The following ILRUN variants were observed in gnomAD, a reference collection of about 807,000 sequenced individuals.
ILRUN encodes the protein protein ILRUN.
ILRUN carries 3 observed loss-of-function variants against 33.8 expected under a neutral mutation model. That is an observed-to-expected ratio of 0.09 (90% CI 0.04 to 0.23). The LOEUF (loss-of-function observed/expected upper bound fraction) is 0.23, where lower values mean the gene tolerates loss of function less well. ILRUN is among the 10% of genes least tolerant of loss of function. ILRUN has a pLI of 1.00. For synonymous variants in ILRUN, 124 were observed against 138.9 expected (o/e 0.89, Z 0.75); for missense variants, 210 against 375.1 (o/e 0.56, Z 3.64).
chr6:34,599,862 G>C (rs1561996295), intron 4 of ILRUN, among the ~76,000 whole-genome samples: 1 of 152,150 alleles, frequency 6.6e-6, no homozygotes, highest in Non-Finnish European at 1.5e-5. Context: ...ATTGATGGTA[G>C]CTCCATCCCT....
intron 3 of ILRUN, among the ~76,000 whole-genome samples, chr6:34,637,855 C>CTGA (rs1419760918): frequency 7.7e-6 from 1 of 130,376 alleles, no homozygotes; most frequent in Non-Finnish European, 1.6e-5. Context: ...GCTGCTGCTG[C>CTGA]TGCTGCTGCT....
At chr6:34,692,071 C>T (rs1480469324) in intron 1 of ILRUN, among the ~76,000 whole-genome samples, 2 of 152,194 alleles carry the variant, frequency 1.3e-5, no homozygotes, top group African/African-American at 4.8e-5. Context: ...TCAATTGATC[C>T]TTCCACCTCA....
At chr6:34,689,242 G>T (rs925086194) in intron 1 of ILRUN, among the ~76,000 whole-genome samples, 15 of 151,934 alleles carry the variant, frequency 9.9e-5, no homozygotes, top group African/African-American at 3.4e-4. Flanking sequence ...GCTGAGGTGG[G>T]AGAATCACTT....
chr6:34,604,078 G>T (rs1352123639), intron 4 of ILRUN, among the ~76,000 whole-genome samples: 1 of 152,216 alleles, frequency 6.6e-6, no homozygotes, highest in African/African-American at 2.4e-5. Context: ...ACGCATTATA[G>T]TCAACAGTCT....
chr6:34,657,253 A>G (rs1223886080), intron 1 of ILRUN, among the ~76,000 whole-genome samples: 1 of 152,134 alleles, frequency 6.6e-6, no homozygotes, highest in Admixed American at 6.6e-5. Context: ...TGGCTGCAAA[A>G]TATGTTTTGG....
intron 1 of ILRUN, among the ~76,000 whole-genome samples, chr6:34,657,040 C>T (rs1398386411): frequency 1.3e-5 from 2 of 152,260 alleles, no homozygotes; most frequent in African/African-American, 4.8e-5. Context: ...CCAGCCCCTA[C>T]CATCCACAAA....
At chr6:34,608,866 C>T (rs554016449) in intron 3 of ILRUN, among the ~76,000 whole-genome samples, 28 of 152,304 alleles carry the variant, frequency 1.8e-4, no homozygotes, top group African/African-American at 6.7e-4. Flanking sequence ...AGTAGCGGTT[C>T]CTGAACCTTT....
At position 34,589,312 on chromosome 6, in the gene ILRUN, CAGCCAATAATCT is replaced by C. The variant is rs1761252505; in HGVS notation, c.*1241_*1252del. On this transcript the variant is annotated 3_prime_UTR_variant, in exon 5 of 5. Coordinates refer to ENST00000374023, the MANE Select transcript of ILRUN (RefSeq NM_024294.4). Reference sequence around the variant, plus strand: ...GCTGGGCTGCCACTTGCCCACCTCCCAGCCAATAATCTAGCATCCTGGCAGGGAGGCGGGGCT... The same window carrying C: ...GCTGGGCTGCCACTTGCCCACCTCCCAGCATCCTGGCAGGGAGGCGGGGCT... The C allele has an allele frequency of 6.6e-6, 1 of 152,256 alleles. No homozygotes were observed. The highest frequency in any genetic ancestry group is 2.4e-5 in the African/African-American group (1 of 41,470). 9.4% of individuals were successfully genotyped at this position (152,256 alleles called of 1,614,324 possible). A position where few individuals can be genotyped will look rare whatever the true frequency, so the allele number is the denominator to read the frequency against.
intron 3 of ILRUN, among the ~76,000 whole-genome samples, chr6:34,607,638 CAT>C (rs1761662594): frequency 8.3e-6 from 1 of 120,650 alleles, no homozygotes; most frequent in South Asian, 2.3e-4. Flanking sequence ...GTGTGAACAT[CAT>C]AGAGTGTACA....
intron 3 of ILRUN, among the ~76,000 whole-genome samples, chr6:34,623,223 A>C (rs1460507155): frequency 1.3e-5 from 2 of 152,208 alleles, no homozygotes; most frequent in Non-Finnish European, 2.9e-5. Context: ...GGTTACAATA[A>C]ATTGTATGTG....
At chr6:34,692,065 T>C (rs1763660402) in intron 1 of ILRUN, among the ~76,000 whole-genome samples, 2 of 152,148 alleles carry the variant, frequency 1.3e-5, no homozygotes, top group African/African-American at 4.8e-5. Flanking sequence ...CCAGGCTCAA[T>C]TGATCCTTCC....
intron 1 of ILRUN, 123 bp downstream of exon 1, chr6:34,696,322 TC>T (rs1763772066): frequency 9.6e-7 from 1 of 1,039,070 alleles, no homozygotes; most frequent in African/African-American, 1.6e-5. Context: ...GTCCTCCCCG[TC>T]CCGGGAAGGG....
chr6:34,671,261 C>T (rs1397729719), intron 1 of ILRUN, among the ~76,000 whole-genome samples: 1 of 152,072 alleles, frequency 6.6e-6, no homozygotes, highest in Non-Finnish European at 1.5e-5. Context: ...TGGCATGCGC[C>T]TATAGTCCCA....
chr6:34,608,326 G>A (rs1761676054), intron 3 of ILRUN, among the ~76,000 whole-genome samples: 1 of 151,812 alleles, frequency 6.6e-6, no homozygotes, highest in African/African-American at 2.4e-5. Flanking sequence ...CCTGGGAGGT[G>A]GAGCCGAGAT....
At chr6:34,603,358 CA>C (rs1308481908) in intron 4 of ILRUN, among the ~76,000 whole-genome samples, 5 of 152,076 alleles carry the variant, frequency 3.3e-5, no homozygotes, top group Non-Finnish European at 1.5e-5. Context: ...ACTAAAAATA[CA>C]AAAATTTACT....
intron 1 of ILRUN, chr6:34,685,289 A>T (rs1390238199): frequency 6.6e-6 from 1 of 152,186 alleles, no homozygotes; most frequent in Non-Finnish European, 1.5e-5. Context: ...TGGCTGGAGT[A>T]AGGAAAAGGA....
chr6:34,623,007 C>T (rs1463417267), intron 3 of ILRUN, among the ~76,000 whole-genome samples: 1 of 152,160 alleles, frequency 6.6e-6, no homozygotes, highest in Non-Finnish European at 1.5e-5. Context: ...TGGACAGATA[C>T]TATATAATTC....
At chr6:34,620,473 C>T (rs527828569) in intron 3 of ILRUN, among the ~76,000 whole-genome samples, 5 of 152,276 alleles carry the variant, frequency 3.3e-5, no homozygotes, top group Admixed American at 1.3e-4. Context: ...AGAACTATAA[C>T]AATGACAGCA....
chr6:34,602,277 C>G lies in ILRUN; in HGVS notation c.861+4278G>C, dbSNP rs114482935. On this transcript the variant is annotated intron_variant, in intron 4 of 4. Transcript: ENST00000374023. ...CCTAAAGAACAGCCCCTCGATTCTG[C>G]CAGCCACACTCTTATCCCCAGCTGT... 8.5e-3 allele frequency among the ~76,000 whole-genome samples: 1,292 copies of G among 152,240 alleles called. 9 individuals are homozygous for G. Among genetic ancestry groups the G allele is most frequent in the Middle Eastern group, 0.024 (7 of 294 alleles).
Sources: gnomAD v4.1 joint callset for allele counts (sites outside exome capture counted in the v4.1 genomes callset) on GRCh38, gnomAD v4.1.1 for gene constraint, MANE v1.5 for transcripts, NCBI Gene and HGNC (gene_info 2026-07-23, HGNC 2026-07-21) for gene names.